Variants in TMTC2 observed in about 807,000 individuals in gnomAD.
TMTC2 encodes the protein transmembrane O-mannosyltransferase targeting cadherins 2.
Under a neutral mutation model 82.4 loss-of-function variants are expected in TMTC2, and 43 were observed. The observed-to-expected ratio is 0.52, with a 90% CI of 0.41 to 0.67. The LOEUF is 0.67. TMTC2 is among the 30% of genes least tolerant of loss of function. The probability of loss-of-function intolerance (pLI) is 0.00; values close to 1 mark genes in which losing one functional copy is unlikely to be tolerated. For missense variants in TMTC2, 919 were observed against 1,012.4 expected, an observed-to-expected ratio of 0.91 and a Z score of 1.25; for synonymous variants, 408 against 381.9, an observed-to-expected ratio of 1.07 and a Z score of -0.80.
chr12:82,915,828 A>G (rs1385913038), intron 3 of TMTC2, among the ~76,000 whole-genome samples: 1 of 152,228 alleles, frequency 6.6e-6, no homozygotes, highest in African/African-American at 2.4e-5. Flanking sequence ...CTCAGAGGCA[A>G]CTTGTACTCT....
intron 1 of TMTC2, among the ~76,000 whole-genome samples, chr12:82,837,680 G>T (rs566963197): frequency 5.5e-4 from 83 of 152,284 alleles, no homozygotes; most frequent in African/African-American, 1.9e-3. Flanking sequence ...CATTCCGACA[G>T]CTTTCCAGTA....
At chr12:82,724,501 C>T (rs748107547) in intron 1 of TMTC2, among the ~76,000 whole-genome samples, 4 of 152,150 alleles carry the variant, frequency 2.6e-5, no homozygotes, top group South Asian at 4.1e-4. Context: ...AGTTCCCCTG[C>T]GCTCTCTCTC....
At chr12:82,788,003 T>C (rs1026895719) in intron 1 of TMTC2, among the ~76,000 whole-genome samples, 6 of 152,104 alleles carry the variant, frequency 3.9e-5, no homozygotes, top group Non-Finnish European at 8.8e-5. Flanking sequence ...ATCTTGAGAA[T>C]GTATGTCCTC....
At chr12:83,045,532 T>C (rs1211481422) in intron 9 of TMTC2, among the ~76,000 whole-genome samples, 2 of 152,186 alleles carry the variant, frequency 1.3e-5, no homozygotes, top group African/African-American at 4.8e-5. Context: ...ATAAAACTTT[T>C]ACCTTTCCTT....
intron 1 of TMTC2, among the ~76,000 whole-genome samples, chr12:82,771,206 CAA>C (rs56743424): frequency 0.2 from 17,738 of 86,704 alleles, 1,093 homozygotes; most frequent in Middle Eastern, 0.31. Context: ...GACTCTGTCT[CAA>C]AAAAAAAAAA....
At chr12:82,780,008 A>G (rs1877816732) in intron 1 of TMTC2, among the ~76,000 whole-genome samples, 1 of 147,376 alleles carries the variant, frequency 6.8e-6, no homozygotes, top group South Asian at 2.1e-4. Flanking sequence ...CCCTTAAAAG[A>G]TGGGTATTTT....
At chr12:82,693,794 C>T (rs1872677298) in intron 1 of TMTC2, among the ~76,000 whole-genome samples, 1 of 151,852 alleles carries the variant, frequency 6.6e-6, no homozygotes, top group Non-Finnish European at 1.5e-5. Flanking sequence ...GTGGTGAAAC[C>T]TCGTCTCTAC....
intron 2 of TMTC2, among the ~76,000 whole-genome samples, chr12:82,889,104 C>T (rs916552541): frequency 2.3e-4 from 35 of 151,780 alleles, no homozygotes; most frequent in Non-Finnish European, 2.2e-4. Context: ...TGGTGAAACC[C>T]GGTCTCTACT....
chr12:83,097,063 C>T (rs1033622674), intron 11 of TMTC2, among the ~76,000 whole-genome samples: 4 of 152,142 alleles, frequency 2.6e-5, no homozygotes, highest in African/African-American at 4.8e-5. Context: ...GGTCCAGTGT[C>T]TGTCCATGGT....
chr12:82,787,493 G>C (rs543274946), intron 1 of TMTC2, among the ~76,000 whole-genome samples: 1 of 152,064 alleles, frequency 6.6e-6, no homozygotes, highest in African/African-American at 2.4e-5. Context: ...AGTTGCTTAA[G>C]TTAGATTTAC....
At chr12:83,111,733 G>A (rs962573) in intron 11 of TMTC2, among the ~76,000 whole-genome samples, 75,901 of 151,930 alleles carry the variant, frequency 0.5, 19,498 homozygotes, top group East Asian at 0.73. Flanking sequence ...GGATCAGTAG[G>A]TACTGAGTAA....
intron 1 of TMTC2, among the ~76,000 whole-genome samples, chr12:82,846,379 C>G (rs1028158897): frequency 6.6e-6 from 1 of 151,708 alleles, no homozygotes; most frequent in Non-Finnish European, 1.5e-5. Flanking sequence ...AAACGAAAAA[C>G]AGGAAAGATT....
intron 8 of TMTC2, among the ~76,000 whole-genome samples, chr12:83,024,831 C>T (rs535184775): frequency 2.4e-4 from 36 of 152,232 alleles, no homozygotes; most frequent in Non-Finnish European, 4.6e-4. Context: ...CTTTGTTCAC[C>T]GCTCTGTAAT....
intron 10 of TMTC2, among the ~76,000 whole-genome samples, chr12:83,055,055 C>T (rs1182100226): frequency 1.3e-5 from 2 of 152,016 alleles, no homozygotes; most frequent in Non-Finnish European, 2.9e-5. Flanking sequence ...CCCTTGGGCT[C>T]AGCAGCTTTT....
intron 1 of TMTC2, among the ~76,000 whole-genome samples, chr12:82,761,154 T>C (rs1226628591): frequency 1.3e-5 from 2 of 152,128 alleles, no homozygotes; most frequent in Non-Finnish European, 2.9e-5. Context: ...ATTTCAGTTT[T>C]TATTCTTGCT....
intron 1 of TMTC2, among the ~76,000 whole-genome samples, chr12:82,729,042 C>T (rs550461970): frequency 1.3e-3 from 197 of 152,344 alleles, no homozygotes; most frequent in African/African-American, 4.4e-3. Context: ...CGAGCCTCCC[C>T]GACGAGCGCT....
chr12:82,790,327 G>A (rs1878404011), intron 1 of TMTC2, among the ~76,000 whole-genome samples: 1 of 152,010 alleles, frequency 6.6e-6, no homozygotes, highest in Non-Finnish European at 1.5e-5. Flanking sequence ...AGTTGGTTCT[G>A]TCTCTGTTTA....
chr12:83,012,596 G>A (rs551728321), intron 8 of TMTC2, among the ~76,000 whole-genome samples: 16 of 152,022 alleles, frequency 1.1e-4, no homozygotes, highest in African/African-American at 3.4e-4. Flanking sequence ...AATTATTTTG[G>A]GAATATAGGC....
At chr12:82,925,608 A>C (rs1277997554) in intron 3 of TMTC2, among the ~76,000 whole-genome samples, 1 of 152,182 alleles carries the variant, frequency 6.6e-6, no homozygotes, top group Non-Finnish European at 1.5e-5. Flanking sequence ...TGTCTCTGTC[A>C]TATTTTGGCA....
Sources: allele counts gnomAD v4.1 joint callset (sites outside exome capture counted in the v4.1 genomes callset), GRCh38; gene constraint gnomAD v4.1.1; transcripts MANE v1.5; gene names NCBI Gene and HGNC (gene_info 2026-07-23, HGNC 2026-07-21).